The following CAMTA1 variants were observed in gnomAD, a reference collection of about 807,000 sequenced individuals.
CAMTA1 encodes the protein calmodulin-binding transcription activator 1.
Under a neutral mutation model 170.9 loss-of-function variants are expected in CAMTA1, and 27 were observed. The observed-to-expected ratio is 0.16, with a 90% CI of 0.12 to 0.22. CAMTA1 has a LOEUF of 0.22. CAMTA1 is among the 10% of genes least tolerant of loss of function. CAMTA1 has a pLI of 1.00. For synonymous variants in CAMTA1, 833 were observed against 891.5 expected, an observed-to-expected ratio of 0.93 and a Z score of 1.17; for missense variants, 1,619 against 2,217.2, an observed-to-expected ratio of 0.73 and a Z score of 5.42.
intron 3 of CAMTA1, among the ~76,000 whole-genome samples, chr1:6,861,833 ACT>A (rs2148903320): frequency 6.6e-6 from 1 of 151,760 alleles, no homozygotes; most frequent in Non-Finnish European, 1.5e-5. Context: ...TAAAACCGAA[ACT>A]CTGTACCCAG....
intron 5 of CAMTA1, among the ~76,000 whole-genome samples, chr1:7,262,391 G>A (rs1038313743): frequency 1.3e-5 from 2 of 151,952 alleles, no homozygotes; most frequent in South Asian, 2.1e-4. Context: ...GTGAAACCCC[G>A]TCTCTACTAA....
intron 1 of CAMTA1, among the ~76,000 whole-genome samples, chr1:6,794,098 TGTTGATAGG>T (rs1270652062): frequency 6.6e-6 from 1 of 152,242 alleles, no homozygotes; most frequent in Non-Finnish European, 1.5e-5. Flanking sequence ...AGAAATGGAA[TGTTGATAGG>T]GTTATTGTAT....
chr1:7,108,416 C>T (rs547670139), intron 4 of CAMTA1, among the ~76,000 whole-genome samples: 21 of 152,268 alleles, frequency 1.4e-4, no homozygotes, highest in South Asian at 6.2e-4. Context: ...TGTTCCAAAC[C>T]GCAGACCCAG....
intron 5 of CAMTA1, among the ~76,000 whole-genome samples, chr1:7,357,602 C>T (rs1457375260): frequency 1.3e-5 from 2 of 152,148 alleles, no homozygotes; most frequent in African/African-American, 4.8e-5. Context: ...TGAGCTGGCC[C>T]CTCTAAGCTA....
At chr1:6,972,815 C>G (rs1692770818) in intron 3 of CAMTA1, among the ~76,000 whole-genome samples, 1 of 152,164 alleles carries the variant, frequency 6.6e-6, no homozygotes, top group South Asian at 2.1e-4. Context: ...GAACTCCATC[C>G]TCTTAACAGA....
intron 5 of CAMTA1, among the ~76,000 whole-genome samples, chr1:7,440,518 C>T (rs915359112): frequency 3.9e-5 from 6 of 152,346 alleles, no homozygotes; most frequent in African/African-American, 1.4e-4. Flanking sequence ...TTTTAATAAT[C>T]GGTTTCCAAA....
chr1:7,314,245 G>C (rs562263366), intron 5 of CAMTA1, among the ~76,000 whole-genome samples: 2 of 152,112 alleles, frequency 1.3e-5, no homozygotes, highest in Non-Finnish European at 2.9e-5. Context: ...ACTGAAGCAG[G>C]GTCCTCCAGC....
At chr1:6,908,816 G>A (rs1679105592) in intron 3 of CAMTA1, among the ~76,000 whole-genome samples, 1 of 152,192 alleles carries the variant, frequency 6.6e-6, no homozygotes, top group Non-Finnish European at 1.5e-5. Flanking sequence ...GACAGCCTGT[G>A]CCAGGGCCCC....
intron 11 of CAMTA1, among the ~76,000 whole-genome samples, chr1:7,722,935 C>G (rs929058652): frequency 6.6e-6 from 1 of 152,048 alleles, no homozygotes; most frequent in East Asian, 1.9e-4. Flanking sequence ...AAAAAATACC[C>G]TCAGAAGGCT....
intron 6 of CAMTA1, among the ~76,000 whole-genome samples, chr1:7,576,255 C>T (rs1334433065): frequency 2.0e-5 from 3 of 152,140 alleles, no homozygotes; most frequent in African/African-American, 7.2e-5. Flanking sequence ...GGTGATCCAT[C>T]CGCCTCGGCC....
intron 5 of CAMTA1, among the ~76,000 whole-genome samples, chr1:7,351,299 G>C (rs897261761): frequency 6.6e-6 from 1 of 152,232 alleles, no homozygotes; most frequent in Non-Finnish European, 1.5e-5. Context: ...GTGACGCCAC[G>C]CACTCAGGAG....
In CAMTA1 at chr1:6,880,072, T is replaced by A. The variant is rs182911422; in HGVS notation, c.234+54862T>A. Among the ~76,000 whole-genome samples, 129 of 151,868 alleles carry A rather than the reference T, an allele frequency of 8.5e-4. 2 individuals carry two copies. Among genetic ancestry groups the A allele is most frequent in the East Asian group, 2.3e-3 (12 of 5,184 alleles). On this transcript the variant is annotated intron_variant, in intron 3 of 22. Transcript: ENST00000303635. ...CTCTTTCTCTAGTAGGGTTTTTTTT[T>A]AAATTTTATTTATTTTTTATATTTA...
chr1:7,558,380 G>C (rs2094910055), intron 6 of CAMTA1, among the ~76,000 whole-genome samples: 1 of 152,238 alleles, frequency 6.6e-6, no homozygotes, highest in Admixed American at 6.5e-5. Flanking sequence ...CCCTCTGGAT[G>C]GGACCCAGGA....
At chr1:7,410,618 G>T (rs1382785850) in intron 5 of CAMTA1, among the ~76,000 whole-genome samples, 3 of 152,244 alleles carry the variant, frequency 2.0e-5, no homozygotes. Context: ...TATGACCAGA[G>T]GCTACAGAAT....
In CAMTA1 at chr1:7,408,265, T is replaced by C. The variant is rs111547157; in HGVS notation, c.439-59565T>C. Among the ~76,000 whole-genome samples the C allele has an allele frequency of 4.5e-3, 688 of 152,354 alleles. 7 individuals carry two copies. The highest frequency in any genetic ancestry group is 0.014 in the African/African-American group (581 of 41,590). On this transcript the variant is annotated intron_variant, in intron 5 of 22. Coordinates refer to ENST00000303635, the MANE Select transcript of CAMTA1 (RefSeq NM_015215.4). ...GACTCCTGAGAATAGGGACCAAGCA[T>C]GTCTGCGTTAGCTTTGCATCTTTGT...
chr1:7,412,697 T>C (rs1465446191), intron 5 of CAMTA1, among the ~76,000 whole-genome samples: 2 of 152,074 alleles, frequency 1.3e-5, no homozygotes, highest in Non-Finnish European at 2.9e-5. Context: ...TTCTCCCATT[T>C]TGTAGGTTGC....
intron 6 of CAMTA1, among the ~76,000 whole-genome samples, chr1:7,614,728 T>A (rs1397131374): frequency 6.6e-6 from 1 of 152,156 alleles, no homozygotes; most frequent in Non-Finnish European, 1.5e-5. Flanking sequence ...TCAGCCTGCC[T>A]GGCCCAGGCT....
rs1709151560 is a variant in CAMTA1 at position 7,067,795 on chromosome 1, A to C, written c.235-23509A>C. Among the ~76,000 whole-genome samples, 1 of 152,194 alleles carries C rather than the reference A, an allele frequency of 6.6e-6. No homozygotes were observed. The highest frequency in any genetic ancestry group is 2.4e-5 in the African/African-American group (1 of 41,430). On this transcript the variant is annotated intron_variant, in intron 3 of 22. Coordinates refer to ENST00000303635, the MANE Select transcript of CAMTA1 (RefSeq NM_015215.4). This position sits in a 1 kb window ranked among gnomAD's most constrained non-coding sequence, Gnocchi z 4.3. ...TTGGGGAGATGCCAGGGCCCTCTCC[A>C]GTCCCAGGGGATAAACCTAGATCCG...
intron 5 of CAMTA1, among the ~76,000 whole-genome samples, chr1:7,260,248 T>A (rs1033736592): frequency 6.6e-6 from 1 of 152,202 alleles, no homozygotes; most frequent in Non-Finnish European, 1.5e-5. Context: ...AGGAGTGGGG[T>A]GCTCTGTGTA....
Sources: gnomAD v4.1 joint callset for allele counts (sites outside exome capture counted in the v4.1 genomes callset) on GRCh38, gnomAD v4.1.1 for gene constraint, Gnocchi (gnomAD v3.1) non-coding constraint, MANE v1.5 for transcripts, NCBI Gene and HGNC (gene_info 2026-07-23, HGNC 2026-07-21) for gene names.